MDGA2: variants seen among roughly 807,000 people sequenced by gnomAD.
The protein encoded by MDGA2 is MAM domain-containing glycosylphosphatidylinositol anchor protein 2.
A neutral mutation model predicts 117.8 loss-of-function variants in MDGA2; 40 were observed. The ratio of observed to expected loss-of-function variants is 0.34; its 90% CI spans 0.26 to 0.44. The LOEUF is 0.44. Ranked by LOEUF, MDGA2 falls within the 20% of genes least tolerant of loss-of-function variation. The pLI, the probability that MDGA2 is intolerant of heterozygous loss-of-function variation, is 1.00. For missense variants in MDGA2, 1,123 were observed against 1,250.6 expected, an observed-to-expected ratio of 0.90 and a Z score of 1.54; for synonymous variants, 452 against 439.0, an observed-to-expected ratio of 1.03 and a Z score of -0.37.
At chr14:47,153,557 A>C (rs1179243425) in intron 3 of MDGA2, among the ~76,000 whole-genome samples, 1 of 152,052 alleles carries the variant, frequency 6.6e-6, no homozygotes, top group Admixed American at 6.6e-5. Context: ...GAGCCAAAAT[A>C]AGTCTGGGCT....
intron 9 of MDGA2, among the ~76,000 whole-genome samples, chr14:46,931,819 A>G (rs1357488702): frequency 6.6e-6 from 1 of 152,114 alleles, no homozygotes; most frequent in Non-Finnish European, 1.5e-5. Flanking sequence ...CACTGCACCC[A>G]GCCTACTTTT....
chr14:46,969,229 T>C (rs1266102018), intron 8 of MDGA2, among the ~76,000 whole-genome samples: 1 of 152,198 alleles, frequency 6.6e-6, no homozygotes, highest in Non-Finnish European at 1.5e-5. Context: ...TGTGTCTTTA[T>C]AGCAGCATGA....
chr14:47,123,623 T>C (rs1451812399), intron 5 of MDGA2, among the ~76,000 whole-genome samples: 1 of 152,046 alleles, frequency 6.6e-6, no homozygotes, highest in Non-Finnish European at 1.5e-5. Context: ...TGTATTTATG[T>C]TAAACATTTG....
chr14:47,048,624 G>A (rs932185589), intron 7 of MDGA2, among the ~76,000 whole-genome samples: 3 of 151,914 alleles, frequency 2.0e-5, no homozygotes, highest in African/African-American at 7.2e-5. Context: ...AGACACTACT[G>A]CCACCTTAAT....
At position 47,610,585 on chromosome 14, in the gene MDGA2, C is replaced by T. The variant is rs183905035; in HGVS notation, c.280+63932G>A. On this transcript the variant is annotated intron_variant, in intron 1 of 16. Coordinates refer to ENST00000399232, the MANE Select transcript of MDGA2 (RefSeq NM_001113498.3). ...ATAGCTAAAAACAAACAAACAACAA[C>T]AACAACAACAACAACAAAAACTTAG... Among the ~76,000 whole-genome samples the T allele has an allele frequency of 5.2e-3, 787 of 151,708 alleles. 8 individuals are homozygous for T. The highest frequency in any genetic ancestry group is 0.018 in the African/African-American group (762 of 41,424).
At chr14:47,420,438 T>C (rs1466412032) in intron 1 of MDGA2, among the ~76,000 whole-genome samples, 1 of 152,138 alleles carries the variant, frequency 6.6e-6, no homozygotes, top group African/African-American at 2.4e-5. Flanking sequence ...CATACCAATT[T>C]AATATAAAAG....
At position 47,096,987 on chromosome 14, in the gene MDGA2, A is replaced by T; in HGVS notation, c.1062T>A (p.Pro354=). ...LTWVRSFGTL[P]EKTVLNGGTL... Reference sequence around the variant, plus strand: ...TTCCTCCATTCAAAACAGTCTTTTCAGGCAGAGTCCCAAAGGACCTGACCC... The same window carrying T: ...TTCCTCCATTCAAAACAGTCTTTTCTGGCAGAGTCCCAAAGGACCTGACCC... Residue 354 remains proline, a synonymous_variant, in exon 6 of 17, where the codon CCT becomes CCA. Transcript: ENST00000399232. The T allele has an allele frequency of 6.2e-7, 1 of 1,613,390 alleles. No homozygotes were observed. Among genetic ancestry groups the T allele is most frequent in the Non-Finnish European group, 8.5e-7 (1 of 1,179,496 alleles).
At chr14:47,002,253 T>TA (rs1887558584) in intron 8 of MDGA2, among the ~76,000 whole-genome samples, 1 of 152,124 alleles carries the variant, frequency 6.6e-6, no homozygotes, top group Admixed American at 6.6e-5. Context: ...TAAGAAGGCT[T>TA]AAATTCATGA....
chr14:47,412,142 T>G (rs1290525554), intron 1 of MDGA2, among the ~76,000 whole-genome samples: 1 of 152,140 alleles, frequency 6.6e-6, no homozygotes, highest in Non-Finnish European at 1.5e-5. Flanking sequence ...ATAAAATGTC[T>G]GTCGATCTTC....
At chr14:47,594,196 T>C (rs2138864511) in intron 1 of MDGA2, among the ~76,000 whole-genome samples, 1 of 152,296 alleles carries the variant, frequency 6.6e-6, no homozygotes, top group South Asian at 2.1e-4. Flanking sequence ...CTTTAAAGAA[T>C]TTCTGATTTT....
At chr14:47,005,822 T>C (rs1328854485) in intron 8 of MDGA2, among the ~76,000 whole-genome samples, 1 of 151,672 alleles carries the variant, frequency 6.6e-6, no homozygotes, top group African/African-American at 2.4e-5. Flanking sequence ...TCTATATTTT[T>C]ATTTGTATAC....
chr14:46,873,473 A>G lies in MDGA2; in HGVS notation c.2712T>C (p.Tyr904=). ...KNPYGPTNTA[Y]CFSFFYHMYG... ...ACATGTGATAAAAGAAGCTGAAACA[A>G]TATGCAGTGTTTGTGGGTCCATAAG... is the stretch of plus-strand genomic sequence containing the variant. The change falls in exon 14 of 17, where the codon TAT becomes TAC. Residue 904 remains tyrosine (Y), a synonymous_variant. Coordinates refer to ENST00000399232, the MANE Select transcript of MDGA2 (RefSeq NM_001113498.3). 6.2e-7 allele frequency: 1 copy of G among 1,612,324 alleles called. No homozygotes were observed. The highest frequency in any genetic ancestry group is 8.5e-7 in the Non-Finnish European group (1 of 1,178,910).
chr14:47,365,421 T>A (rs745752973), intron 1 of MDGA2, among the ~76,000 whole-genome samples: 1 of 152,236 alleles, frequency 6.6e-6, no homozygotes. Context: ...AAGAGTTCAT[T>A]GTACTGGGAT....
chr14:47,095,495 T>C (rs1039441236), intron 6 of MDGA2, among the ~76,000 whole-genome samples: 2 of 151,942 alleles, frequency 1.3e-5, no homozygotes, highest in East Asian at 3.9e-4. Flanking sequence ...AAATGACATA[T>C]TTTAAAAAAA....
At chr14:47,438,349 G>A (rs888914191) in intron 1 of MDGA2, among the ~76,000 whole-genome samples, 7 of 152,108 alleles carry the variant, frequency 4.6e-5, no homozygotes, top group Non-Finnish European at 1.0e-4. Flanking sequence ...AGAAAGGAGT[G>A]GCACATATAT....
intron 1 of MDGA2, among the ~76,000 whole-genome samples, chr14:47,570,493 T>G (rs775322576): frequency 3.3e-5 from 5 of 152,218 alleles, no homozygotes; most frequent in Non-Finnish European, 7.3e-5. Flanking sequence ...GTTAGAAGAT[T>G]AAATGATATA....
At chr14:47,119,287 A>C (rs191696791) in intron 5 of MDGA2, among the ~76,000 whole-genome samples, 117 of 150,942 alleles carry the variant, frequency 7.8e-4, no homozygotes, top group African/African-American at 2.5e-3. Flanking sequence ...GGATGGTCTC[A>C]ATCTCCTGGC....
At chr14:47,560,223 A>T (rs1017386528) in intron 1 of MDGA2, among the ~76,000 whole-genome samples, 1 of 151,088 alleles carries the variant, frequency 6.6e-6, no homozygotes, top group Non-Finnish European at 1.5e-5. Flanking sequence ...GCCCGCCACC[A>T]CGCCCGACTA....
rs546588906 is a variant in MDGA2, at chr14:47,460,734, C to T, written c.281-159184G>A. Reference sequence around the variant, plus strand: ...TACTGAAAACAGAACCCAGGGGGCCCCTGGTTCTAGGTGGTGATTGTCAAA... The same window carrying T: ...TACTGAAAACAGAACCCAGGGGGCCTCTGGTTCTAGGTGGTGATTGTCAAA... On this transcript the variant is annotated intron_variant, in intron 1 of 16. Transcript: ENST00000399232. Among the ~76,000 whole-genome samples, 4 of 151,968 alleles carry T rather than the reference C, an allele frequency of 2.6e-5. No individual in the cohort carries two copies. In the South Asian group the frequency reaches 8.3e-4, roughly 32 times the overall value.
Sources: allele counts gnomAD v4.1 joint callset (sites outside exome capture counted in the v4.1 genomes callset), GRCh38; gene constraint gnomAD v4.1.1; transcripts MANE v1.5; gene names NCBI Gene and HGNC (gene_info 2026-07-23, HGNC 2026-07-21).